CACNA1C: variants seen among roughly 807,000 people sequenced by gnomAD.
CACNA1C encodes voltage-dependent L-type calcium channel subunit alpha-1C.
Under a neutral mutation model 229.0 loss-of-function variants are expected in CACNA1C, and 30 were observed. The ratio of observed to expected loss-of-function variants is 0.13; its 90% CI spans 0.10 to 0.18. The LOEUF is 0.18. CACNA1C is among the 10% of genes least tolerant of loss of function. CACNA1C has a pLI of 1.00. For missense variants in CACNA1C, 1,658 were observed against 2,845.0 expected (o/e 0.58, Z 9.49); for synonymous variants, 1,114 against 1,132.5 (o/e 0.98, Z 0.33).
At chr12:2,441,261 T>C in intron 3 of CACNA1C, among the ~76,000 whole-genome samples, 1 of 152,206 alleles carries the variant, frequency 6.6e-6, no homozygotes, top group Non-Finnish European at 1.5e-5. Context: ...ACCTAGTGGA[T>C]GTAGCCACAC....
intron 9 of CACNA1C, among the ~76,000 whole-genome samples, chr12:2,520,049 G>A (rs1378764085): frequency 6.6e-6 from 1 of 152,258 alleles, no homozygotes; most frequent in Admixed American, 6.5e-5. Flanking sequence ...CTCTGGGCAA[G>A]GCTTGCTAGG....
intron 3 of CACNA1C, among the ~76,000 whole-genome samples, chr12:2,299,787 G>A (rs2094410509): frequency 6.6e-6 from 1 of 152,022 alleles, no homozygotes; most frequent in Admixed American, 6.6e-5. Context: ...ATGGCCCTAG[G>A]GTTCACTAGA....
intron 3 of CACNA1C, among the ~76,000 whole-genome samples, chr12:2,353,632 C>A (rs1411281021): frequency 1.3e-5 from 2 of 152,166 alleles, no homozygotes; most frequent in Non-Finnish European, 2.9e-5. Flanking sequence ...CAAGTGCCCC[C>A]CATTGTGTTG....
At chr12:2,296,078 C>T (rs887261390) in intron 3 of CACNA1C, among the ~76,000 whole-genome samples, 8 of 152,172 alleles carry the variant, frequency 5.3e-5, no homozygotes, top group African/African-American at 1.9e-4. Flanking sequence ...GTCATAAGAA[C>T]GGATGATTCA....
Position 2,677,208 on chromosome 12 carries a change from C to T in CACNA1C, c.4943C>T (p.Ala1648Val), listed in dbSNP as rs767199033. 3.0e-5 allele frequency: 48 copies of T among 1,613,546 alleles called. No homozygotes were observed. Among genetic ancestry groups the T allele is most frequent in the South Asian group, 2.7e-4 (25 of 90,952 alleles). Residue 1648 changes from alanine to valine, a missense_variant, in exon 40 of 47, where the codon GCG (alanine) becomes GTG (valine). Physicochemically the swap from Ala to Val is moderately conservative, Grantham distance 64. Around this residue, in one of 20 missense-constraint regions of CACNA1C, gnomAD observed 590 missense variants for 700.8 expected, o/e 0.84. Coordinates refer to ENST00000399655, the MANE Select transcript of CACNA1C (RefSeq NM_000719.7). This position sits in a 1 kb window ranked among gnomAD's most constrained non-coding sequence, Gnocchi z 7.4. ...GLVGKPSQRN[A>V]LSLQAGLRTL... ...GTGGGCAAGCCCTCCCAGAGGAACG[C>T]GCTGTCTCTGCAGGTGAGGGCCTGG...
chr12:2,469,231 T>TGTG (rs1491429571), intron 5 of CACNA1C, among the ~76,000 whole-genome samples: 7 of 152,118 alleles, frequency 4.6e-5, no homozygotes, highest in African/African-American at 1.7e-4. Context: ...CACAAAACAC[T>TGTG]GTGGTCTGTG....
At chr12:2,140,379 A>G (rs2094034347) in intron 3 of CACNA1C, among the ~76,000 whole-genome samples, 1 of 151,460 alleles carries the variant, frequency 6.6e-6, no homozygotes, top group African/African-American at 2.4e-5. Flanking sequence ...CCTGAAACAT[A>G]GAAGGCACTC....
At chr12:2,508,051 A>G (rs1246929391) in intron 8 of CACNA1C, among the ~76,000 whole-genome samples, 2 of 152,234 alleles carry the variant, frequency 1.3e-5, no homozygotes, top group Non-Finnish European at 2.9e-5. Flanking sequence ...GCAACCGCCC[A>G]GAGGCCTGCA....
chr12:1,980,938 G>A (rs985772677), intron 1 of CACNA1C, among the ~76,000 whole-genome samples: 4 of 151,520 alleles, frequency 2.6e-5, no homozygotes, highest in Non-Finnish European at 4.4e-5. Context: ...CAAGTTGAAG[G>A]AGACATCCAT....
chr12:2,272,523 G>A (rs2085550969), intron 3 of CACNA1C, among the ~76,000 whole-genome samples: 1 of 152,202 alleles, frequency 6.6e-6, no homozygotes, highest in African/African-American at 2.4e-5. Flanking sequence ...CTGAAAACCT[G>A]TGGATTTGCC....
chr12:2,514,178 G>A lies in CACNA1C; in HGVS notation c.1390+1194G>A, dbSNP rs549255078. Reference sequence around the variant, plus strand: ...GAACTGGAACTTCACCCTGAGCAGAGAGGATGATGAGAAGAGCTGCCAGGA... The same window carrying A: ...GAACTGGAACTTCACCCTGAGCAGAAAGGATGATGAGAAGAGCTGCCAGGA... On this transcript the variant is annotated intron_variant, in intron 9 of 46. Transcript: ENST00000399655. Among the ~76,000 whole-genome samples the A allele has an allele frequency of 5.3e-5, 8 of 152,316 alleles. No homozygotes were observed. The South Asian group carries it at 1.7e-3, about 32-fold the overall frequency.
intron 3 of CACNA1C, among the ~76,000 whole-genome samples, chr12:2,443,590 G>A (rs913990795): frequency 7.2e-5 from 11 of 152,156 alleles, no homozygotes; most frequent in African/African-American, 2.4e-4. Flanking sequence ...CACCAAAAGG[G>A]CCAGTTTGCA....
rs1456027979 is a variant in CACNA1C at position 2,697,800 on chromosome 12, C to A, written c.*6601C>A. On this transcript the variant is annotated 3_prime_UTR_variant, in exon 47 of 47. Coordinates refer to ENST00000399655, the MANE Select transcript of CACNA1C (RefSeq NM_000719.7). ...GGCCAGGGAATCTAGAAGGGGCAAC[C>A]CTTCAAGGAGAGCTTCAGGGTCATC... 6.6e-6 allele frequency: 1 copy of A among 152,658 alleles called. No homozygotes were observed. Among genetic ancestry groups the A allele is most frequent in the Non-Finnish European group, 1.5e-5 (1 of 68,030 alleles). 9.5% of individuals were successfully genotyped at this position (152,658 alleles called of 1,614,324 possible). A position where few individuals can be genotyped will look rare whatever the true frequency, so the allele number is the denominator to read the frequency against.
At chr12:2,565,212 T>C (rs561547756) in intron 11 of CACNA1C, among the ~76,000 whole-genome samples, 3 of 151,994 alleles carry the variant, frequency 2.0e-5, no homozygotes. Flanking sequence ...CTCACGCCTG[T>C]AATCCCAGCA....
At chr12:2,364,932 G>A (rs549498234) in intron 3 of CACNA1C, among the ~76,000 whole-genome samples, 1 of 152,258 alleles carries the variant, frequency 6.6e-6, no homozygotes, top group East Asian at 1.9e-4. Flanking sequence ...ATACCACATG[G>A]GCCTCTGCGG....
rs553239133 is a variant in CACNA1C at position 2,601,467 on chromosome 12, G to A, written c.2854-387G>A. Among the ~76,000 whole-genome samples the A allele has an allele frequency of 2.6e-5, 4 of 152,202 alleles. No individual in the cohort carries two copies. Among genetic ancestry groups the A allele is most frequent in the African/African-American group, 7.2e-5 (3 of 41,532 alleles). ...GACTCAAGCATTTGGAGAGGCAGTC[G>A]GGATGTGTGCTCCCAACCCGACAGC... On this transcript the variant is annotated intron_variant, in intron 21 of 46. Coordinates refer to ENST00000399655, the MANE Select transcript of CACNA1C (RefSeq NM_000719.7). This position sits in a 1 kb window ranked among gnomAD's most constrained non-coding sequence, Gnocchi z 5.9.
At chr12:1,980,526 GT>G (rs1165664522) in intron 1 of CACNA1C, among the ~76,000 whole-genome samples, 3 of 151,448 alleles carry the variant, frequency 2.0e-5, no homozygotes, top group African/African-American at 7.3e-5. Context: ...CCAGTCTGTG[GT>G]TTTTCTTTTC....
chr12:2,643,842 C>T (rs991588469), intron 30 of CACNA1C, among the ~76,000 whole-genome samples: 1 of 152,160 alleles, frequency 6.6e-6, no homozygotes, highest in Admixed American at 6.5e-5. Context: ...CTCCTCCCAA[C>T]CTAGATCACC....
In CACNA1C at chr12:2,285,247, C is replaced by T. The variant is rs2092445567; in HGVS notation, c.478-163729C>T. 6.6e-6 allele frequency among the ~76,000 whole-genome samples: 1 copy of T among 152,184 alleles called. No individual in the cohort carries two copies. The highest frequency in any genetic ancestry group is 2.4e-5 in the African/African-American group (1 of 41,440). ...TCATGATTGCTGACTGAACTCAACCCTTTACACTGGGCATTCAATGTCATC... is the reference window on the plus strand; with the variant it reads ...TCATGATTGCTGACTGAACTCAACCTTTTACACTGGGCATTCAATGTCATC... On this transcript the variant is annotated intron_variant, in intron 3 of 46. Coordinates refer to ENST00000399655, the MANE Select transcript of CACNA1C (RefSeq NM_000719.7). This position sits in a 1 kb window ranked among gnomAD's most constrained non-coding sequence, Gnocchi z 4.2.
Sources: gnomAD v4.1 joint callset for allele counts (sites outside exome capture counted in the v4.1 genomes callset) on GRCh38, gnomAD v4.1.1 for gene constraint, gnomAD v4.1.1 regional missense constraint, Gnocchi (gnomAD v3.1) non-coding constraint, MANE v1.5 for transcripts, NCBI Gene and HGNC (gene_info 2026-07-23, HGNC 2026-07-21) for gene names.